The following PRKCE variants were observed in gnomAD, a reference collection of about 807,000 sequenced individuals.
PRKCE encodes protein kinase C epsilon, also known as protein kinase C epsilon type.
In PRKCE, 16 loss-of-function variants were observed where a neutral mutation model predicts 85.4. The ratio of observed to expected loss-of-function variants is 0.19; its 90% CI spans 0.13 to 0.28. PRKCE has a LOEUF of 0.28. Ranked by LOEUF, PRKCE falls within the 10% of genes least tolerant of loss-of-function variation. The probability of loss-of-function intolerance (pLI) is 1.00; values close to 1 mark genes in which losing one functional copy is unlikely to be tolerated. For synonymous variants in PRKCE, 388 were observed against 371.5 expected (o/e 1.04, Z -0.51); for missense variants, 573 against 975.2 (o/e 0.59, Z 5.49).
intron 2 of PRKCE, among the ~76,000 whole-genome samples, chr2:45,850,881 G>C (rs1692191778): frequency 6.6e-6 from 1 of 152,152 alleles, no homozygotes; most frequent in Non-Finnish European, 1.5e-5. Flanking sequence ...TCATTTATTT[G>C]CTTATCTAAT....
chr2:46,051,135 T>G (rs1197613177), intron 10 of PRKCE, among the ~76,000 whole-genome samples: 1 of 152,210 alleles, frequency 6.6e-6, no homozygotes, highest in Non-Finnish European at 1.5e-5. Flanking sequence ...ATGACTTCAG[T>G]TCCTCCCGCA....
At chr2:46,086,502 A>C in intron 11 of PRKCE, 140 bp downstream of exon 11, 1 of 1,049,516 alleles carries the variant, frequency 9.5e-7, no homozygotes, top group Non-Finnish European at 1.3e-6. Context: ...TTGCTTACAG[A>C]AGACTTTTTT....
intron 11 of PRKCE, among the ~76,000 whole-genome samples, chr2:46,092,841 A>G (rs188919675): frequency 6.6e-6 from 1 of 152,312 alleles, no homozygotes; most frequent in East Asian, 1.9e-4. Context: ...ATATCCTGCC[A>G]TTGGCACACA....
Position 45,869,629 on chromosome 2 carries a change from C to T in PRKCE, c.412+26566C>T, listed in dbSNP as rs563953267. On this transcript the variant is annotated intron_variant, in intron 2 of 14. Coordinates refer to ENST00000306156, the MANE Select transcript of PRKCE (RefSeq NM_005400.3). The stretch of plus-strand genomic sequence containing the variant: ...TAAGGGAGCACACCTAGTAAGCTGG[C>T]TTCAAATCCCCCTGGGCTGTCTGGC... Among the ~76,000 whole-genome samples, 77 of 151,862 alleles carry T rather than the reference C, an allele frequency of 5.1e-4. 1 individual carries two copies. Among genetic ancestry groups the T allele is most frequent in the Non-Finnish European group, 9.1e-4 (62 of 67,958 alleles).
chr2:46,087,630 A>G (rs1025411535), intron 11 of PRKCE, among the ~76,000 whole-genome samples: 1 of 152,158 alleles, frequency 6.6e-6, no homozygotes, highest in Non-Finnish European at 1.5e-5. Context: ...TTTGTTTTCT[A>G]TTGCTGCATA....
intron 1 of PRKCE, among the ~76,000 whole-genome samples, chr2:45,673,304 A>C (rs1676264894): frequency 6.6e-6 from 1 of 152,248 alleles, no homozygotes; most frequent in Non-Finnish European, 1.5e-5. Context: ...CTCAAAAACG[A>C]ATGCCATAAT....
At chr2:46,110,219 G>A (rs77069218) in intron 11 of PRKCE, among the ~76,000 whole-genome samples, 1,635 of 152,238 alleles carry the variant, frequency 0.011, 40 homozygotes, top group African/African-American at 0.037. Flanking sequence ...GAGTTAGGAA[G>A]TATTCATTTT....
At chr2:45,724,968 G>T (rs1182485789) in intron 1 of PRKCE, among the ~76,000 whole-genome samples, 1 of 152,220 alleles carries the variant, frequency 6.6e-6, no homozygotes, top group Non-Finnish European at 1.5e-5. Context: ...GCTGATGAAG[G>T]TGGCTACAAT....
rs572544484 is a variant in PRKCE, at chr2:45,939,905, G to A, written c.413-36524G>A. On this transcript the variant is annotated intron_variant, in intron 2 of 14. Coordinates refer to ENST00000306156, the MANE Select transcript of PRKCE (RefSeq NM_005400.3). ...CTGTAAATTGTTTTGGGAGTCTGCC[G>A]TCATTTCTGAGATGTGGGTGTAACC... 9.8e-5 allele frequency among the ~76,000 whole-genome samples: 15 copies of A among 152,286 alleles called. No homozygotes were observed. In the South Asian group the frequency reaches 1.4e-3, roughly 15 times the overall value.
intron 11 of PRKCE, among the ~76,000 whole-genome samples, chr2:46,097,210 C>T (rs1670774043): frequency 1.3e-5 from 2 of 152,108 alleles, no homozygotes; most frequent in Admixed American, 6.5e-5. Flanking sequence ...GCTGACAGAT[C>T]TGCTTGCATT....
intron 10 of PRKCE, among the ~76,000 whole-genome samples, chr2:46,067,225 T>C (rs1252148584): frequency 6.6e-6 from 1 of 152,376 alleles, no homozygotes; most frequent in East Asian, 1.9e-4. Flanking sequence ...CTATACAAGA[T>C]ATCACCATAT....
chr2:45,705,239 T>A (rs1349227275), intron 1 of PRKCE, among the ~76,000 whole-genome samples: 4 of 152,262 alleles, frequency 2.6e-5, no homozygotes, highest in Non-Finnish European at 5.9e-5. Flanking sequence ...GGGCCTGAAC[T>A]ATTGTTGCCC....
intron 1 of PRKCE, among the ~76,000 whole-genome samples, chr2:45,654,322 G>A (rs1675280904): frequency 6.6e-6 from 1 of 152,242 alleles, no homozygotes; most frequent in Admixed American, 6.5e-5. Context: ...TCCTAGTGAA[G>A]CATGCAGTGG....
chr2:45,728,164 C>G (rs901432168), intron 1 of PRKCE, among the ~76,000 whole-genome samples: 4 of 152,052 alleles, frequency 2.6e-5, no homozygotes, highest in Non-Finnish European at 5.9e-5. Context: ...CCTTCGTATC[C>G]CATCAAGGGA....
At chr2:46,092,738 C>CTG (rs1670293440) in intron 11 of PRKCE, among the ~76,000 whole-genome samples, 1 of 152,100 alleles carries the variant, frequency 6.6e-6, no homozygotes, top group South Asian at 2.1e-4. Context: ...ACCAGGCCTC[C>CTG]GTATGGAAAA....
At chr2:46,028,548 C>T (rs1178563732) in intron 10 of PRKCE, among the ~76,000 whole-genome samples, 1 of 152,100 alleles carries the variant, frequency 6.6e-6, no homozygotes, top group African/African-American at 2.4e-5. Context: ...ACTGTGCTGC[C>T]CTCCCCACCT....
chr2:45,711,044 G>C (rs1679588230), intron 1 of PRKCE, among the ~76,000 whole-genome samples: 1 of 152,106 alleles, frequency 6.6e-6, no homozygotes, highest in Non-Finnish European at 1.5e-5. Context: ...CCTGTCCCCT[G>C]TCCCCCTCCC....
intron 1 of PRKCE, among the ~76,000 whole-genome samples, chr2:45,817,411 C>T (rs779298112): frequency 1.5e-4 from 23 of 152,014 alleles, no homozygotes; most frequent in African/African-American, 2.4e-4. Flanking sequence ...AAAAACTTTC[C>T]GGCTGGGCGC....
At chr2:45,846,308 C>A (rs1691784030) in intron 2 of PRKCE, among the ~76,000 whole-genome samples, 1 of 152,150 alleles carries the variant, frequency 6.6e-6, no homozygotes, top group African/African-American at 2.4e-5. Context: ...AATAATGTGG[C>A]AATGCCCCAT....
Sources: gnomAD v4.1 joint callset for allele counts (sites outside exome capture counted in the v4.1 genomes callset) on GRCh38, gnomAD v4.1.1 for gene constraint, MANE v1.5 for transcripts, NCBI Gene and HGNC (gene_info 2026-07-23, HGNC 2026-07-21) for gene names.